FOXN4: variants seen among roughly 807,000 people sequenced by gnomAD.
FOXN4 encodes forkhead box protein N4.
In FOXN4, 12 loss-of-function variants were observed where a neutral mutation model predicts 45.0. The ratio of observed to expected loss-of-function variants is 0.27; its 90% CI spans 0.17 to 0.43. FOXN4 has a LOEUF of 0.43. Among genes scored for constraint, FOXN4 ranks in the 20% least tolerant of loss-of-function variants. The pLI is 1.00. For synonymous variants in FOXN4, 297 were observed against 295.0 expected (o/e 1.01, Z -0.07); for missense variants, 560 against 694.9 (o/e 0.81, Z 2.18).
At chr12:109,298,861 G>A (rs960103079) in intron 2 of FOXN4, among the ~76,000 whole-genome samples, 7 of 152,166 alleles carry the variant, frequency 4.6e-5, no homozygotes, top group African/African-American at 1.7e-4. Flanking sequence ...CCTCCTGGCT[G>A]CGTGACCTGG....
intron 9 of FOXN4, 149 bp downstream of exon 9, chr12:109,281,258 T>G: frequency 8.6e-7 from 1 of 1,163,912 alleles, no homozygotes; most frequent in Non-Finnish European, 1.2e-6. Context: ...GATTTCCGGA[T>G]TAGGGATGTT....
In FOXN4 at chr12:109,290,016, CAGAA is replaced by C. The variant is rs2047750828; in HGVS notation, c.232+121_232+124del. 8.5e-7 allele frequency: 1 copy of C among 1,172,284 alleles called. No homozygotes were observed. The highest frequency in any genetic ancestry group is 1.1e-6 in the Non-Finnish European group (1 of 870,426). The allele number at this position is 1,172,284 out of a possible 1,614,324, so 72.6% of individuals were successfully genotyped here. On this transcript the variant is annotated intron_variant, in intron 3 of 9. Transcript: ENST00000299162. The surrounding 1 kb of genome is among the most constrained non-coding windows in gnomAD (Gnocchi z 5.1). Reference sequence around the variant, plus strand: ...GAGCATTTGTCCCATTTTACAGATGCAGAAAGAGAGGCCCAGAGAGACTGGGAGA... The same window carrying C: ...GAGCATTTGTCCCATTTTACAGATGCAGAGAGGCCCAGAGAGACTGGGAGA...
chr12:109,299,825 C>T (rs1233784172), intron 2 of FOXN4, among the ~76,000 whole-genome samples: 2 of 152,306 alleles, frequency 1.3e-5, no homozygotes, highest in East Asian at 3.9e-4. Flanking sequence ...TACCTGTGTG[C>T]CCTTGTGAGT....
intron 2 of FOXN4, among the ~76,000 whole-genome samples, chr12:109,298,400 C>T (rs2047838884): frequency 6.8e-6 from 1 of 147,128 alleles, no homozygotes; most frequent in Non-Finnish European, 1.5e-5. Flanking sequence ...GAGTTTCGCT[C>T]TTCTCCAATG....
intron 8 of FOXN4, among the ~76,000 whole-genome samples, chr12:109,283,357 T>G (rs753231847): frequency 6.6e-6 from 1 of 152,194 alleles, no homozygotes; most frequent in Admixed American, 6.6e-5. Flanking sequence ...TCACTCGCTC[T>G]CTCTCAGATA....
chr12:109,285,307 G>C lies in FOXN4; in HGVS notation c.898C>G (p.Pro300Ala). 6.2e-7 allele frequency: 1 copy of C among 1,606,010 alleles called. No individual in the cohort carries two copies. The highest frequency in any genetic ancestry group is 8.5e-7 in the Non-Finnish European group (1 of 1,176,522). Residue 300 changes from proline (P) to alanine (A), a missense_variant, in exon 8 of 10, where the codon CCT (proline) becomes GCT (alanine). By Grantham distance (27) the Pro-to-Ala change is conservative. Around this residue, in one of 5 missense-constraint regions of FOXN4, gnomAD observed 315 missense variants for 350.5 expected, o/e 0.90. Coordinates refer to ENST00000299162, the MANE Select transcript of FOXN4 (RefSeq NM_213596.3). Reference protein sequence around the residue: ...LAAIHRSMANPEELDKLISDR... With the variant: ...LAAIHRSMANAEELDKLISDR... ...CTGCGGGCTGTCCGGCCCTCACCAG[G>C]GTTGGCCATACTCCGGTGGATGGCA...
chr12:109,300,938 A>T (rs1034140049), intron 2 of FOXN4, among the ~76,000 whole-genome samples: 1 of 152,126 alleles, frequency 6.6e-6, no homozygotes, highest in African/African-American at 2.4e-5. Flanking sequence ...AATAGAAAAT[A>T]AAAAAATCCA....
chr12:109,296,944 T>G, intron 2 of FOXN4, among the ~76,000 whole-genome samples: 1 of 152,186 alleles, frequency 6.6e-6, no homozygotes, highest in East Asian at 1.9e-4. Context: ...AAGAGCCTGA[T>G]CAGGCAGGGA....
chr12:109,304,849 A>G (rs951275917), intron 2 of FOXN4, among the ~76,000 whole-genome samples: 1 of 152,168 alleles, frequency 6.6e-6, no homozygotes, highest in African/African-American at 2.4e-5. Context: ...GAGTGGTTGG[A>G]AGTGGGAAGT....
At chr12:109,304,283 GAAAGA>G (rs2047899116) in intron 2 of FOXN4, among the ~76,000 whole-genome samples, 5 of 55,894 alleles carry the variant, frequency 8.9e-5, no homozygotes, top group Non-Finnish European at 2.0e-4. Context: ...AAGAAAGAAA[GAAAGA>G]AAGAAAGGAG....
chr12:109,293,479 T>C (rs1416711354), intron 2 of FOXN4, among the ~76,000 whole-genome samples: 2 of 152,272 alleles, frequency 1.3e-5, no homozygotes, highest in South Asian at 2.1e-4. Flanking sequence ...TATTGCCCCA[T>C]GTCCTTGCAC....
intron 8 of FOXN4, among the ~76,000 whole-genome samples, chr12:109,284,523 G>C (rs933923051): frequency 6.6e-6 from 1 of 151,928 alleles, no homozygotes; most frequent in Non-Finnish European, 1.5e-5. Context: ...GGTGGATGGT[G>C]GCCAGGTCCT....
intron 2 of FOXN4, among the ~76,000 whole-genome samples, chr12:109,306,434 T>C (rs1260647571): frequency 1.3e-5 from 2 of 152,154 alleles, no homozygotes; most frequent in Non-Finnish European, 2.9e-5. Context: ...AAGGGGCGCT[T>C]TTAGGCAACA....
intron 9 of FOXN4, among the ~76,000 whole-genome samples, chr12:109,280,521 T>C (rs2047643063): frequency 6.6e-6 from 1 of 152,114 alleles, no homozygotes; most frequent in South Asian, 2.1e-4. Context: ...CAAGAGGACT[T>C]GTGAAAAGCA....
Position 109,279,531 on chromosome 12 carries a change from C to T in FOXN4, c.*140G>A. The T allele has an allele frequency of 7.5e-7, 1 of 1,324,526 alleles. No individual in the cohort carries two copies. Among genetic ancestry groups the T allele is most frequent in the South Asian group, 1.5e-5 (1 of 68,354 alleles). 82.0% of individuals were successfully genotyped at this position (1,324,526 alleles called of 1,614,324 possible). ...GGGGCTGCTGAGGGGAACCGCTTCC[C>T]TGTCCAGCCGGCAACTTCGCCACAG... On this transcript the variant is annotated 3_prime_UTR_variant, in exon 10 of 10. Coordinates refer to ENST00000299162, the MANE Select transcript of FOXN4 (RefSeq NM_213596.3).
intron 9 of FOXN4, among the ~76,000 whole-genome samples, chr12:109,280,942 C>A (rs1246843576): frequency 6.6e-6 from 1 of 152,116 alleles, no homozygotes; most frequent in Non-Finnish European, 1.5e-5. Context: ...GGGGTCAGAC[C>A]GAGGTTTAAC....
At chr12:109,306,866 T>A (rs994947973) in intron 2 of FOXN4, among the ~76,000 whole-genome samples, 1 of 152,216 alleles carries the variant, frequency 6.6e-6, no homozygotes, top group African/African-American at 2.4e-5. Flanking sequence ...CTAAATCACT[T>A]GGCATTATTT....
intron 9 of FOXN4, among the ~76,000 whole-genome samples, chr12:109,280,225 C>T (rs1161854525): frequency 6.6e-6 from 1 of 151,980 alleles, no homozygotes; most frequent in Non-Finnish European, 1.5e-5. Flanking sequence ...CACCTGTAAT[C>T]CCAGCTACTT....
At position 109,281,617 on chromosome 12, in the gene FOXN4, G is replaced by A. The variant is rs571119975; in HGVS notation, c.1084C>T (p.His362Tyr). The A allele has an allele frequency of 2.7e-5, 44 of 1,609,614 alleles. 1 individual carries two copies. In the South Asian group the frequency reaches 4.4e-4, roughly 16 times the overall value. ...MTLSLQSVPL[H>Y]HQVQPQAHLA... Reference sequence around the variant, plus strand: ...TGTGCCTGGGGCTGGACCTGGTGGTGCAGGGGGACTGACTGCAGGGACAGG... The same window carrying A: ...TGTGCCTGGGGCTGGACCTGGTGGTACAGGGGGACTGACTGCAGGGACAGG... Residue 362 changes from histidine to tyrosine, a missense_variant, in exon 9 of 10, where the codon CAC becomes TAC. Physicochemically the swap from His to Tyr is moderately conservative, Grantham distance 83 (BLOSUM62 2). Transcript: ENST00000299162.
Sources: gnomAD v4.1 joint callset for allele counts (sites outside exome capture counted in the v4.1 genomes callset) on GRCh38, gnomAD v4.1.1 for gene constraint, gnomAD v4.1.1 regional missense constraint, Gnocchi (gnomAD v3.1) non-coding constraint, MANE v1.5 for transcripts, NCBI Gene and HGNC (gene_info 2026-07-23, HGNC 2026-07-21) for gene names.